Variants in EXOC4 observed in about 807,000 individuals in gnomAD.
The protein encoded by EXOC4 is exocyst complex component 4, also known as SEC8-like 1.
Under a neutral mutation model 107.2 loss-of-function variants are expected in EXOC4, and 71 were observed. The ratio of observed to expected loss-of-function variants is 0.66; its 90% CI spans 0.55 to 0.81. The LOEUF (loss-of-function observed/expected upper bound fraction) is 0.81. EXOC4 is among the 30% of genes least tolerant of loss of function. The pLI is 0.00. For missense variants in EXOC4, 1,108 were observed against 1,189.6 expected, an observed-to-expected ratio of 0.93 and a Z score of 1.01; for synonymous variants, 456 against 441.2, an observed-to-expected ratio of 1.03 and a Z score of -0.42.
intron 9 of EXOC4, among the ~76,000 whole-genome samples, chr7:133,533,228 A>G (rs1800212726): frequency 1.3e-5 from 2 of 152,144 alleles, no homozygotes; most frequent in African/African-American, 4.8e-5. Context: ...GAATAGTAAC[A>G]AAGAAAACCT....
chr7:133,659,314 G>A (rs1024055858), intron 10 of EXOC4, among the ~76,000 whole-genome samples: 1 of 152,070 alleles, frequency 6.6e-6, no homozygotes, highest in Non-Finnish European at 1.5e-5. Flanking sequence ...TATCCGATAA[G>A]TGGTAACTAT....
intron 9 of EXOC4, among the ~76,000 whole-genome samples, chr7:133,498,402 G>A (rs550411314): frequency 2.0e-5 from 3 of 152,188 alleles, no homozygotes; most frequent in East Asian, 1.9e-4. Flanking sequence ...TGGCTAACAC[G>A]GTGAAACCCC....
chr7:133,335,896 GATAT>G (rs1346603970), intron 5 of EXOC4, among the ~76,000 whole-genome samples: 1 of 152,000 alleles, frequency 6.6e-6, no homozygotes, highest in African/African-American at 2.4e-5. Flanking sequence ...TGGGTATGAG[GATAT>G]ATCTGATTAT....
chr7:133,701,001 T>C (rs1794644889), intron 10 of EXOC4, among the ~76,000 whole-genome samples: 1 of 152,142 alleles, frequency 6.6e-6, no homozygotes, highest in South Asian at 2.1e-4. Context: ...ATATAATGTA[T>C]TCTTACCTGG....
At chr7:133,259,055 C>T (rs1483926909) in intron 1 of EXOC4, among the ~76,000 whole-genome samples, 1 of 152,032 alleles carries the variant, frequency 6.6e-6, no homozygotes, top group Admixed American at 6.6e-5. Flanking sequence ...GAACATTGTC[C>T]AGCAATCTCA....
At chr7:133,575,656 T>A (rs948964734) in intron 9 of EXOC4, among the ~76,000 whole-genome samples, 3 of 152,184 alleles carry the variant, frequency 2.0e-5, no homozygotes, top group African/African-American at 7.2e-5. Context: ...AAATTAACAT[T>A]GTAATAAGCA....
rs796906792 is a variant in EXOC4, at chr7:133,755,243, A to AAT, written c.1515-62073_1515-62072dup. On this transcript the variant is annotated intron_variant, in intron 10 of 17. Coordinates refer to ENST00000253861, the MANE Select transcript of EXOC4 (RefSeq NM_021807.4). Reference sequence around the variant, plus strand: ...GTGTGTATATATATATAATATATATAATATATATATTATATATATATTATA... The same window carrying AAT: ...GTGTGTATATATATATAATATATATAATATATATATATTATATATATATTATA... 5.1e-3 allele frequency among the ~76,000 whole-genome samples: 460 copies of AAT among 91,052 alleles called. 5 individuals are homozygous for AAT. Among genetic ancestry groups the AAT allele is most frequent in the African/African-American group, 0.021 (437 of 21,104 alleles). The allele number at this position is 91,052 out of a possible 152,430, so 59.7% of individuals were successfully genotyped here.
chr7:133,335,757 A>C (rs1335650926), intron 5 of EXOC4, among the ~76,000 whole-genome samples: 1 of 152,196 alleles, frequency 6.6e-6, no homozygotes, highest in South Asian at 2.1e-4. Flanking sequence ...GGGATCTGCC[A>C]TGCTGTTTTC....
At chr7:133,607,596 G>T (rs935053291) in intron 9 of EXOC4, among the ~76,000 whole-genome samples, 2 of 152,168 alleles carry the variant, frequency 1.3e-5, no homozygotes, top group Admixed American at 1.3e-4. Flanking sequence ...GAGCCTTCAA[G>T]ATCTCTACAG....
At chr7:133,466,544 T>G (rs1798732522) in intron 7 of EXOC4, among the ~76,000 whole-genome samples, 1 of 152,162 alleles carries the variant, frequency 6.6e-6, no homozygotes, top group South Asian at 2.1e-4. Flanking sequence ...CTATAACAAA[T>G]AAATTAGTAA....
intron 12 of EXOC4, among the ~76,000 whole-genome samples, chr7:133,917,262 C>T (rs1214835327): frequency 6.6e-6 from 1 of 152,140 alleles, no homozygotes; most frequent in Non-Finnish European, 1.5e-5. Context: ...TTTTATTCAA[C>T]ATTTTCTTAA....
chr7:133,998,621 A>G (rs1585310932), intron 15 of EXOC4, among the ~76,000 whole-genome samples: 2 of 152,294 alleles, frequency 1.3e-5, no homozygotes, highest in Middle Eastern at 6.8e-3. Flanking sequence ...GACAGGCTGG[A>G]GCCCAATCCT....
chr7:133,722,629 G>C (rs1210697027), intron 10 of EXOC4, among the ~76,000 whole-genome samples: 3 of 152,090 alleles, frequency 2.0e-5, no homozygotes, highest in Non-Finnish European at 4.4e-5. Flanking sequence ...TGAATTTTAG[G>C]CATTTTAAAG....
intron 10 of EXOC4, among the ~76,000 whole-genome samples, chr7:133,684,694 CT>C (rs1794257792): frequency 6.6e-6 from 1 of 152,064 alleles, no homozygotes; most frequent in East Asian, 1.9e-4. Context: ...TATTGTTGAC[CT>C]TCTTTAGAGA....
chr7:133,382,246 G>A (rs985905348), intron 7 of EXOC4, among the ~76,000 whole-genome samples: 4 of 152,164 alleles, frequency 2.6e-5, no homozygotes, highest in Non-Finnish European at 4.4e-5. Context: ...ACAAAGAAGG[G>A]AGAAGAAGAT....
At chr7:133,457,062 C>T (rs1301739835) in intron 7 of EXOC4, among the ~76,000 whole-genome samples, 6 of 151,994 alleles carry the variant, frequency 3.9e-5, no homozygotes, top group Admixed American at 2.6e-4. Context: ...AATAAATGCT[C>T]GTCGAATGAA....
At chr7:133,600,349 C>T (rs1801778046) in intron 9 of EXOC4, among the ~76,000 whole-genome samples, 1 of 152,126 alleles carries the variant, frequency 6.6e-6, no homozygotes, top group African/African-American at 2.4e-5. Flanking sequence ...TTTGCTTTAC[C>T]TCATAATACT....
Position 133,601,333 on chromosome 7 carries a change from C to T in EXOC4, c.1418-28712C>T, listed in dbSNP as rs539276513. 2.7e-5 allele frequency among the ~76,000 whole-genome samples: 4 copies of T among 150,922 alleles called. No homozygotes were observed. In the East Asian group the frequency reaches 7.8e-4, roughly 29 times the overall value. On this transcript the variant is annotated intron_variant, in intron 9 of 17. Transcript: ENST00000253861. ...ATATATAGTGAAAATCTTTGGAGGCCTGTATGTATGTATGTATGTGTGTGT... is the reference window on the plus strand; with the variant it reads ...ATATATAGTGAAAATCTTTGGAGGCTTGTATGTATGTATGTATGTGTGTGT...
chr7:133,956,666 C>A (rs1322615502), intron 14 of EXOC4, among the ~76,000 whole-genome samples: 1 of 152,114 alleles, frequency 6.6e-6, no homozygotes, highest in East Asian at 1.9e-4. Context: ...CAGGGCAGCT[C>A]CAAGAAGGCA....
Sources: gnomAD v4.1 joint callset for allele counts (sites outside exome capture counted in the v4.1 genomes callset) on GRCh38, gnomAD v4.1.1 for gene constraint, MANE v1.5 for transcripts, NCBI Gene and HGNC (gene_info 2026-07-23, HGNC 2026-07-21) for gene names.